Variants in SGCZ observed in about 807,000 individuals in gnomAD.
SGCZ encodes the protein sarcoglycan zeta, also known as zeta-sarcoglycan.
In SGCZ, 40 loss-of-function variants were observed where a neutral mutation model predicts 41.3. That is an observed-to-expected ratio of 0.97 (90% CI 0.75 to 1.26). The LOEUF (loss-of-function observed/expected upper bound fraction) is 1.26. Ranked by LOEUF, SGCZ falls within the 50% of genes most tolerant of loss-of-function variation. The pLI, the probability that SGCZ is intolerant of heterozygous loss-of-function variation, is 0.00. For missense variants in SGCZ, 552 were observed against 369.8 expected, an observed-to-expected ratio of 1.49 and a Z score of -4.04; for synonymous variants, 206 against 137.5, an observed-to-expected ratio of 1.50 and a Z score of -3.49.
chr8:15,236,183 G>A (rs1212179000), intron 1 of SGCZ, among the ~76,000 whole-genome samples: 1 of 152,136 alleles, frequency 6.6e-6, no homozygotes, highest in African/African-American at 2.4e-5. Context: ...CCTCCGTCCT[G>A]GACTGCATCT....
At chr8:15,162,069 A>G (rs1348106861) in intron 1 of SGCZ, among the ~76,000 whole-genome samples, 2 of 152,208 alleles carry the variant, frequency 1.3e-5, no homozygotes, top group South Asian at 4.1e-4. Context: ...TACTGTAAAC[A>G]GAATCAGTTT....
At chr8:14,321,652 A>G (rs767268968) in intron 3 of SGCZ, among the ~76,000 whole-genome samples, 14 of 152,146 alleles carry the variant, frequency 9.2e-5, no homozygotes, top group Non-Finnish European at 1.9e-4. Flanking sequence ...CCACACACAG[A>G]AATCAAAATT....
At chr8:14,151,781 T>C (rs1362903125) in intron 5 of SGCZ, among the ~76,000 whole-genome samples, 4 of 152,158 alleles carry the variant, frequency 2.6e-5, no homozygotes, top group Admixed American at 1.3e-4. Flanking sequence ...TAGAATGCAA[T>C]AGAGAAGTCA....
rs754251454 is a variant in SGCZ at position 14,899,867 on chromosome 8, A to AGAAGAAAAAGAAGAG, written c.39+337717_39+337718insCTCTTCTTTTTCTTC. On this transcript the variant is annotated intron_variant, in intron 1 of 7. Coordinates refer to ENST00000382080, the MANE Select transcript of SGCZ (RefSeq NM_139167.4). ...AGGAAGAGGAGGAAGAAGAAGAAGA[A>AGAAGAAAAAGAAGAG]GAGGAGGAGGAGAGGAAAATGCTTA... Among the ~76,000 whole-genome samples, 621 of 151,806 alleles carry AGAAGAAAAAGAAGAG rather than the reference A, an allele frequency of 4.1e-3. 3 individuals are homozygous for AGAAGAAAAAGAAGAG. The highest frequency in any genetic ancestry group is 0.018 in the South Asian group (87 of 4,818).
intron 4 of SGCZ, among the ~76,000 whole-genome samples, chr8:14,186,748 A>G (rs577477900): frequency 2.0e-5 from 3 of 152,202 alleles, no homozygotes; most frequent in Non-Finnish European, 4.4e-5. Flanking sequence ...AAGAAGTTCA[A>G]ACCTAAAAGT....
chr8:14,594,104 G>T (rs1363784629), intron 1 of SGCZ, among the ~76,000 whole-genome samples: 1 of 151,812 alleles, frequency 6.6e-6, no homozygotes, highest in Non-Finnish European at 1.5e-5. Context: ...CAGCCCGGGA[G>T]GTGGAGGTTA....
rs376695151 is a variant in SGCZ at position 14,805,914 on chromosome 8, G to C, written c.40-250988C>G. ...CACAGTGCAATCAAACTAGAACTCA[G>C]GATTAAGAATCTCACTCAAAGCCGC... On this transcript the variant is annotated intron_variant, in intron 1 of 7. Coordinates refer to ENST00000382080, the MANE Select transcript of SGCZ (RefSeq NM_139167.4). Among the ~76,000 whole-genome samples the C allele has an allele frequency of 1.9e-4, 28 of 150,244 alleles. No individual in the cohort carries two copies. The East Asian group carries it at 3.0e-3, about 16-fold the overall frequency.
At chr8:15,234,229 G>C (rs571470359) in intron 1 of SGCZ, among the ~76,000 whole-genome samples, 1 of 152,308 alleles carries the variant, frequency 6.6e-6, no homozygotes, top group East Asian at 1.9e-4. Flanking sequence ...AAAGCTAGCA[G>C]TTAAATCTCG....
chr8:14,613,439 T>C (rs1248438932), intron 1 of SGCZ, among the ~76,000 whole-genome samples: 1 of 152,172 alleles, frequency 6.6e-6, no homozygotes, highest in Non-Finnish European at 1.5e-5. Flanking sequence ...CTATAAATCA[T>C]GCTCTTTTGG....
At chr8:14,742,067 G>A (rs1449489607) in intron 1 of SGCZ, among the ~76,000 whole-genome samples, 1 of 151,906 alleles carries the variant, frequency 6.6e-6, no homozygotes, top group Non-Finnish European at 1.5e-5. Flanking sequence ...CTGGAGTATA[G>A]TACTGATTTA....
At chr8:14,792,017 C>A (rs915476776) in intron 1 of SGCZ, among the ~76,000 whole-genome samples, 2 of 152,040 alleles carry the variant, frequency 1.3e-5, no homozygotes, top group Non-Finnish European at 2.9e-5. Flanking sequence ...ATCATAAGGC[C>A]GTCTAGCATG....
chr8:14,306,221 C>A (rs530047999), intron 3 of SGCZ, among the ~76,000 whole-genome samples: 2 of 152,218 alleles, frequency 1.3e-5, no homozygotes, highest in East Asian at 1.9e-4. Context: ...GTTTACAAAT[C>A]TCACCATGAT....
chr8:14,434,530 T>G (rs1800033170), intron 2 of SGCZ, among the ~76,000 whole-genome samples: 1 of 152,174 alleles, frequency 6.6e-6, no homozygotes, highest in Non-Finnish European at 1.5e-5. Flanking sequence ...TGATGGCAAT[T>G]GCATTGAATC....
In SGCZ at chr8:14,568,224, G is replaced by T. The variant is rs537985086; in HGVS notation, c.40-13298C>A. Among the ~76,000 whole-genome samples, 3 of 151,930 alleles carry T rather than the reference G, an allele frequency of 2.0e-5. No homozygotes were observed. In the East Asian group the frequency reaches 5.8e-4, roughly 29 times the overall value. On this transcript the variant is annotated intron_variant, in intron 1 of 7. Transcript: ENST00000382080. ...CAGGGAGGGGAACATCACACACTGG[G>T]GCCTGTCCGGGGGTGGGGAGAAAGA...
intron 1 of SGCZ, among the ~76,000 whole-genome samples, chr8:14,757,388 C>T (rs192150045): frequency 5.3e-5 from 8 of 152,292 alleles, no homozygotes; most frequent in African/African-American, 1.4e-4. Flanking sequence ...TCTAGCCAGA[C>T]GCTGCCACCT....
At chr8:14,281,493 G>C (rs992175788) in intron 3 of SGCZ, among the ~76,000 whole-genome samples, 6 of 151,816 alleles carry the variant, frequency 4.0e-5, no homozygotes, top group East Asian at 1.9e-4. Flanking sequence ...CAGATGAAAA[G>C]TATCATCATC....
At chr8:15,034,589 A>T (rs1803802498) in intron 1 of SGCZ, among the ~76,000 whole-genome samples, 2 of 152,214 alleles carry the variant, frequency 1.3e-5, no homozygotes, top group South Asian at 4.1e-4. Context: ...AATGATGTAA[A>T]TATCCAGGTA....
intron 1 of SGCZ, among the ~76,000 whole-genome samples, chr8:15,204,927 C>A (rs992404447): frequency 2.6e-5 from 4 of 152,066 alleles, no homozygotes; most frequent in Non-Finnish European, 2.9e-5. Flanking sequence ...GTTAGTGAAA[C>A]CTGAATGAAT....
intron 1 of SGCZ, among the ~76,000 whole-genome samples, chr8:15,232,589 C>A (rs533877052): frequency 2.6e-5 from 4 of 151,012 alleles, no homozygotes; most frequent in African/African-American, 9.7e-5. Flanking sequence ...TTCAATTAAA[C>A]AACTTTATTT....
Sources: gnomAD v4.1 joint callset for allele counts (sites outside exome capture counted in the v4.1 genomes callset) on GRCh38, gnomAD v4.1.1 for gene constraint, MANE v1.5 for transcripts, NCBI Gene and HGNC (gene_info 2026-07-23, HGNC 2026-07-21) for gene names.